SLC35F3: variants seen among roughly 807,000 people sequenced by gnomAD.
The protein encoded by SLC35F3 is solute carrier family 35 member F3, also known as putative thiamine transporter SLC35F3.
SLC35F3 carries 25 observed loss-of-function variants against 49.9 expected under a neutral mutation model. That is an observed-to-expected ratio of 0.50 (90% confidence interval 0.37 to 0.70). The LOEUF (loss-of-function observed/expected upper bound fraction) is 0.70, where lower values mean the gene tolerates loss of function less well. Ranked by LOEUF, SLC35F3 falls within the 30% of genes least tolerant of loss-of-function variation. The pLI, the probability that SLC35F3 is intolerant of heterozygous loss-of-function variation, is 0.00. For synonymous variants in SLC35F3, 275 were observed against 265.4 expected (o/e 1.04, Z -0.35); for missense variants, 525 against 639.8 (o/e 0.82, Z 1.94).
chr1:234,094,180 C>T lies in SLC35F3; in HGVS notation c.284-137237C>T, dbSNP rs575907761. Among the ~76,000 whole-genome samples the T allele has an allele frequency of 7.9e-5, 12 of 152,318 alleles. No individual in the cohort carries two copies. In the South Asian group the frequency reaches 2.3e-3, roughly 29 times the overall value. On this transcript the variant is annotated intron_variant, in intron 2 of 7. Coordinates refer to ENST00000366618, the MANE Select transcript of SLC35F3 (RefSeq NM_173508.4). ...CGCTGCCCAGAATTTGATTCTCTTT[C>T]CACCAGTAACTTCAATTTAGAGAAA...
chr1:234,109,741 G>A (rs1665377309), intron 2 of SLC35F3, among the ~76,000 whole-genome samples: 2 of 152,154 alleles, frequency 1.3e-5, no homozygotes, highest in African/African-American at 4.8e-5. Flanking sequence ...AGGACAAAGA[G>A]GTGACGGCCA....
At chr1:234,300,937 C>T (rs1668682636) in intron 3 of SLC35F3, among the ~76,000 whole-genome samples, 1 of 152,174 alleles carries the variant, frequency 6.6e-6, no homozygotes, top group Non-Finnish European at 1.5e-5. Context: ...TAGAAATAAT[C>T]TATAGGCCAT....
chr1:234,186,760 C>G (rs1666649571), intron 2 of SLC35F3, among the ~76,000 whole-genome samples: 1 of 152,142 alleles, frequency 6.6e-6, no homozygotes, highest in African/African-American at 2.4e-5. Flanking sequence ...ATCCCATGTA[C>G]ATTAGCTCCT....
At chr1:234,119,084 T>G (rs1260120996) in intron 2 of SLC35F3, among the ~76,000 whole-genome samples, 1 of 152,128 alleles carries the variant, frequency 6.6e-6, no homozygotes, top group Admixed American at 6.5e-5. Flanking sequence ...GTTAGATCCC[T>G]GTACATCAAT....
At chr1:234,143,288 C>CTTTTTTTTTTTTTTTTT (rs1352256091) in intron 2 of SLC35F3, among the ~76,000 whole-genome samples, 2 of 123,564 alleles carry the variant, frequency 1.6e-5, no homozygotes, top group African/African-American at 7.1e-5. Context: ...CTTTTCTTTT[C>CTTTTTTTTTTTTTTTTT]TTTTTTTTTT....
intron 2 of SLC35F3, among the ~76,000 whole-genome samples, chr1:234,080,706 T>G (rs1361120363): frequency 1.3e-5 from 2 of 152,076 alleles, no homozygotes; most frequent in African/African-American, 2.4e-5. Context: ...GTGTCTAAAA[T>G]AGACAAATCC....
chr1:234,085,365 C>G (rs1415545427), intron 2 of SLC35F3, among the ~76,000 whole-genome samples: 1 of 152,198 alleles, frequency 6.6e-6, no homozygotes, highest in Non-Finnish European at 1.5e-5. Context: ...ATGCCTGGAT[C>G]TTTATGATCA....
At chr1:234,220,527 AT>A (rs565437641) in intron 2 of SLC35F3, among the ~76,000 whole-genome samples, 1 of 152,258 alleles carries the variant, frequency 6.6e-6, no homozygotes, top group South Asian at 2.1e-4. Flanking sequence ...TCCTCACAAC[AT>A]GCCTCTACAG....
chr1:234,018,211 C>A (rs1223932583), intron 2 of SLC35F3, among the ~76,000 whole-genome samples: 1 of 152,146 alleles, frequency 6.6e-6, no homozygotes, highest in Non-Finnish European at 1.5e-5. Flanking sequence ...GGTGAACTTG[C>A]AAATACAGAA....
At chr1:234,119,539 C>T (rs1471306496) in intron 2 of SLC35F3, among the ~76,000 whole-genome samples, 2 of 152,128 alleles carry the variant, frequency 1.3e-5, no homozygotes, top group Non-Finnish European at 2.9e-5. Flanking sequence ...TGCAGGGAGG[C>T]GAGTCCTTTC....
At chr1:233,969,580 T>C (rs1662959601) in intron 2 of SLC35F3, among the ~76,000 whole-genome samples, 2 of 152,216 alleles carry the variant, frequency 1.3e-5, no homozygotes, top group Non-Finnish European at 2.9e-5. Flanking sequence ...CCCCTGCTTC[T>C]TCAAAGAAAA....
intron 3 of SLC35F3, among the ~76,000 whole-genome samples, chr1:234,234,904 C>T (rs1667439739): frequency 6.6e-6 from 1 of 152,154 alleles, no homozygotes; most frequent in Non-Finnish European, 1.5e-5. Flanking sequence ...GCTGTGTAAA[C>T]GCGAGGAACA....
At chr1:234,306,158 T>C (rs1017709207) in intron 3 of SLC35F3, among the ~76,000 whole-genome samples, 7 of 152,146 alleles carry the variant, frequency 4.6e-5, no homozygotes, top group African/African-American at 1.7e-4. Context: ...GTGCTGGGTT[T>C]TTTTGTTTGT....
intron 2 of SLC35F3, among the ~76,000 whole-genome samples, chr1:233,912,529 T>C (rs922491741): frequency 6.6e-6 from 1 of 151,950 alleles, no homozygotes; most frequent in Admixed American, 6.6e-5. Flanking sequence ...AAGGAGATAA[T>C]AGAACTACTT....
chr1:233,980,558 C>T (rs1296342310), intron 2 of SLC35F3, among the ~76,000 whole-genome samples: 1 of 152,214 alleles, frequency 6.6e-6, no homozygotes, highest in African/African-American at 2.4e-5. Flanking sequence ...ATTGGCTCTT[C>T]TTCTGGCCCT....
At chr1:234,089,132 A>G (rs1665004645) in intron 2 of SLC35F3, among the ~76,000 whole-genome samples, 3 of 152,158 alleles carry the variant, frequency 2.0e-5, no homozygotes. Flanking sequence ...CATTAAGAAG[A>G]ACTTGGATTT....
At chr1:234,071,904 T>C (rs1330853029) in intron 2 of SLC35F3, among the ~76,000 whole-genome samples, 1 of 152,216 alleles carries the variant, frequency 6.6e-6, no homozygotes, top group African/African-American at 2.4e-5. Flanking sequence ...GTCAATAAAG[T>C]TTCATTATAT....
intron 2 of SLC35F3, among the ~76,000 whole-genome samples, chr1:233,998,906 C>A (rs1663505070): frequency 6.6e-6 from 1 of 152,150 alleles, no homozygotes; most frequent in Admixed American, 6.5e-5. Context: ...CAAGTATCAG[C>A]CTCTGGGTGC....
At chr1:234,128,874 G>C (rs113101115) in intron 2 of SLC35F3, among the ~76,000 whole-genome samples, 5 of 152,286 alleles carry the variant, frequency 3.3e-5, no homozygotes, top group African/African-American at 4.8e-5. Flanking sequence ...TTCGTAACTT[G>C]GGGGCCAGGT....
Sources: gnomAD v4.1 joint callset for allele counts (sites outside exome capture counted in the v4.1 genomes callset) on GRCh38, gnomAD v4.1.1 for gene constraint, MANE v1.5 for transcripts, NCBI Gene and HGNC (gene_info 2026-07-23, HGNC 2026-07-21) for gene names.